The following POU2F3 variants were observed in gnomAD, a reference collection of about 807,000 sequenced individuals.
POU2F3 encodes POU domain, class 2, transcription factor 3.
A neutral mutation model predicts 59.2 loss-of-function variants in POU2F3; 23 were observed. That is an observed-to-expected ratio of 0.39 (90% confidence interval 0.28 to 0.55). The LOEUF (loss-of-function observed/expected upper bound fraction) is 0.55, where lower values mean the gene tolerates loss of function less well. POU2F3 is among the 20% of genes least tolerant of loss of function. The pLI is 0.66. For synonymous variants in POU2F3, 190 were observed against 214.6 expected (o/e 0.89, Z 1.00); for missense variants, 473 against 544.5 (o/e 0.87, Z 1.31).
chr11:120,249,459 C>A (rs1785831513), intron 2 of POU2F3, among the ~76,000 whole-genome samples: 1 of 152,216 alleles, frequency 6.6e-6, no homozygotes, highest in Non-Finnish European at 1.5e-5. Context: ...ATTCTCCTGC[C>A]TCTGCCTCCC....
At chr11:120,293,811 G>T (rs1401462376) in intron 3 of POU2F3, among the ~76,000 whole-genome samples, 3 of 152,132 alleles carry the variant, frequency 2.0e-5, no homozygotes, top group Non-Finnish European at 4.4e-5. Flanking sequence ...CTCAGTGTAC[G>T]TCTGGGCCAG....
chr11:120,268,490 G>T (rs542846682), intron 2 of POU2F3, among the ~76,000 whole-genome samples: 1 of 152,210 alleles, frequency 6.6e-6, no homozygotes, highest in East Asian at 1.9e-4. Context: ...ACAGGCATGT[G>T]CCATTATGCC....
intron 1 of POU2F3, among the ~76,000 whole-genome samples, chr11:120,242,406 T>G (rs888858322): frequency 1.3e-5 from 2 of 152,218 alleles, no homozygotes; most frequent in African/African-American, 4.8e-5. Context: ...TATCTCATTA[T>G]GGGTCCCTCT....
At position 120,272,624 on chromosome 11, in the gene POU2F3, A is replaced by T. The variant is rs1940125564; in HGVS notation, c.132+3380A>T. Among the ~76,000 whole-genome samples the T allele has an allele frequency of 2.0e-5, 3 of 152,352 alleles. No individual in the cohort carries two copies. In the South Asian group the frequency reaches 6.2e-4, roughly 32 times the overall value. On this transcript the variant is annotated intron_variant, in intron 3 of 12. Coordinates refer to ENST00000543440, the MANE Select transcript of POU2F3 (RefSeq NM_014352.4). ...TGCAGCCAGATTCTGGGTGAACCAC[A>T]GTCCTGAAGTTGCATGAGCAACGAA...
chr11:120,268,904 G>A (rs1045265449), intron 2 of POU2F3, among the ~76,000 whole-genome samples: 45 of 152,104 alleles, frequency 3.0e-4, no homozygotes, highest in African/African-American at 9.2e-4. Context: ...AGAAGCATGC[G>A]GTGGAGTGAG....
At chr11:120,276,058 T>C (rs1940305253) in intron 3 of POU2F3, among the ~76,000 whole-genome samples, 1 of 151,884 alleles carries the variant, frequency 6.6e-6, no homozygotes, top group Admixed American at 6.6e-5. Context: ...GGGAGGCCAG[T>C]GAGGGAAATG....
chr11:120,313,315 G>A (rs577914316), intron 10 of POU2F3, among the ~76,000 whole-genome samples: 38 of 152,316 alleles, frequency 2.5e-4, no homozygotes, highest in East Asian at 5.8e-4. Context: ...CACCTGCAAC[G>A]TTCCAGGCAC....
upstream of POU2F3, among the ~76,000 whole-genome samples, chr11:120,239,941 G>A (rs796752912): frequency 7.2e-5 from 11 of 152,378 alleles, no homozygotes; most frequent in African/African-American, 2.4e-4. Context: ...GCGGTGAGGA[G>A]GTGCTGCCAG....
intron 10 of POU2F3, among the ~76,000 whole-genome samples, chr11:120,309,941 G>A (rs1007451959): frequency 6.6e-6 from 1 of 152,188 alleles, no homozygotes; most frequent in African/African-American, 2.4e-5. Flanking sequence ...TGTGGCTGGG[G>A]ACAGAACGAG....
At chr11:120,283,643 C>T (rs560901479) in intron 3 of POU2F3, among the ~76,000 whole-genome samples, 1 of 152,176 alleles carries the variant, frequency 6.6e-6, no homozygotes, top group Admixed American at 6.5e-5. Context: ...AGCCTGCCCC[C>T]ACCCACTCCC....
chr11:120,310,472 A>G lies in POU2F3; in HGVS notation c.1068+886A>G, dbSNP rs1941623599. Reference sequence around the variant, plus strand: ...ATCCAAGAGTGAGTATGAAGGAGTTATATCTGTGACTCTGGAGTTCAAGGG... The same window carrying G: ...ATCCAAGAGTGAGTATGAAGGAGTTGTATCTGTGACTCTGGAGTTCAAGGG... On this transcript the variant is annotated intron_variant, in intron 10 of 12. Coordinates refer to ENST00000543440, the MANE Select transcript of POU2F3 (RefSeq NM_014352.4). Among the ~76,000 whole-genome samples the G allele has an allele frequency of 2.0e-5, 3 of 152,188 alleles. No individual in the cohort carries two copies. In the South Asian group the frequency reaches 6.2e-4, roughly 31 times the overall value.
chr11:120,236,689 A>C (rs1174044321), upstream of POU2F3: 4 of 1,506,214 alleles, frequency 2.7e-6, no homozygotes, highest in Admixed American at 7.9e-5. Flanking sequence ...GTCTCCAAGA[A>C]CTGCTAAAGG....
Position 120,305,672 on chromosome 11 carries a change from T to G in POU2F3, c.656T>G (p.Leu219Arg). The stretch of plus-strand genomic sequence containing the variant: ...GATGTGGGGCTGGCGATGGGAAAGC[T>G]GTATGGCAACGACTTCAGCCAGACC... ...QGDVGLAMGK[L>R]YGNDFSQTTI... The change falls in exon 8 of 13, where the codon CTG becomes CGG. Residue 219 changes from leucine to arginine, a missense_variant. Coordinates refer to ENST00000543440, the MANE Select transcript of POU2F3 (RefSeq NM_014352.4). 1 of 1,613,966 alleles carries G rather than the reference T, an allele frequency of 6.2e-7. No individual in the cohort carries two copies. The highest frequency in any genetic ancestry group is 8.5e-7 in the Non-Finnish European group (1 of 1,180,022).
At chr11:120,295,952 C>G (rs1254325583) in intron 3 of POU2F3, among the ~76,000 whole-genome samples, 1 of 152,176 alleles carries the variant, frequency 6.6e-6, no homozygotes, top group Non-Finnish European at 1.5e-5. Flanking sequence ...TCTGTGCAAC[C>G]AGGGCTTCTT....
intron 3 of POU2F3, among the ~76,000 whole-genome samples, chr11:120,291,761 A>G (rs1283277411): frequency 6.6e-6 from 1 of 152,140 alleles, no homozygotes; most frequent in Non-Finnish European, 1.5e-5. Flanking sequence ...TTACATGCTT[A>G]TAAGTCTACT....
At position 120,256,161 on chromosome 11, in the gene POU2F3, T is replaced by A. The variant is rs1244810990; in HGVS notation, c.97+9644T>A. ...ACACATCAGTTAGTATTTGTAAGGC[T>A]GTTTGAGCAGTGTGAATTGCTGCAC... On this transcript the variant is annotated intron_variant, in intron 2 of 12. Transcript: ENST00000543440. 2.0e-5 allele frequency: 3 copies of A among 152,218 alleles called. No homozygotes were observed. In the East Asian group the frequency reaches 5.8e-4, roughly 29 times the overall value. The allele number at this position is 152,218 out of a possible 1,614,324, so 9.4% of individuals were successfully genotyped here.
intron 2 of POU2F3, chr11:120,258,940 T>C (rs1285461787): frequency 6.6e-6 from 1 of 152,136 alleles, no homozygotes; most frequent in Non-Finnish European, 1.5e-5. Flanking sequence ...GAAATGTGGG[T>C]TGTATTTCCT....
At chr11:120,275,073 AG>A (rs1940264753) in intron 3 of POU2F3, among the ~76,000 whole-genome samples, 1 of 152,178 alleles carries the variant, frequency 6.6e-6, no homozygotes, top group Admixed American at 6.5e-5. Flanking sequence ...GCTGCCACTG[AG>A]GGGTGAGTAG....
intron 9 of POU2F3, among the ~76,000 whole-genome samples, chr11:120,308,636 C>T (rs910556900): frequency 4.6e-5 from 7 of 151,894 alleles, no homozygotes; most frequent in African/African-American, 1.7e-4. Flanking sequence ...GACAGGAGGA[C>T]AGGAAGAAAT....
Sources: gnomAD v4.1 joint callset for allele counts (sites outside exome capture counted in the v4.1 genomes callset) on GRCh38, gnomAD v4.1.1 for gene constraint, MANE v1.5 for transcripts, NCBI Gene and HGNC (gene_info 2026-07-23, HGNC 2026-07-21) for gene names.